The following SLC25A26 variants were observed in gnomAD, a reference collection of about 807,000 sequenced individuals.
The protein encoded by SLC25A26 is solute carrier family 25 member 26.
SLC25A26 carries 36 observed loss-of-function variants against 37.8 expected under a neutral mutation model. That is an observed-to-expected ratio of 0.95 (90% CI 0.73 to 1.26). The LOEUF (loss-of-function observed/expected upper bound fraction) is 1.26. Ranked by LOEUF, SLC25A26 falls within the 50% of genes most tolerant of loss-of-function variation. SLC25A26 has a pLI of 0.00. For missense variants in SLC25A26, 390 were observed against 331.1 expected (o/e 1.18, Z -1.38); for synonymous variants, 129 against 122.5 (o/e 1.05, Z -0.35).
intron 6 of SLC25A26, among the ~76,000 whole-genome samples, chr3:66,349,012 C>A (rs1380556475): frequency 6.6e-6 from 1 of 152,182 alleles, no homozygotes; most frequent in Non-Finnish European, 1.5e-5. Context: ...CACACAGTTT[C>A]TGCACACTCT....
At chr3:66,357,133 C>T (rs1197835960) in intron 6 of SLC25A26, among the ~76,000 whole-genome samples, 7 of 152,080 alleles carry the variant, frequency 4.6e-5, no homozygotes, top group Admixed American at 2.6e-4. Context: ...ACCATAGATT[C>T]ATGTGAAAAT....
chr3:66,221,296 C>T (rs555811329), intron 1 of SLC25A26, 169 bp downstream of exon 1: 17 of 278,740 alleles, frequency 6.1e-5, no homozygotes, highest in Admixed American at 4.5e-4. Context: ...ACCGGCGGGC[C>T]AGGTGTTAAG....
At chr3:66,294,623 T>C (rs2074833853) in intron 5 of SLC25A26, among the ~76,000 whole-genome samples, 1 of 152,198 alleles carries the variant, frequency 6.6e-6, no homozygotes, top group Admixed American at 6.5e-5. Flanking sequence ...TTTGGAAGGC[T>C]CTGTGTGATG....
In SLC25A26 at chr3:66,243,110, A is replaced by G. The variant is rs2072659109; in HGVS notation, c.191-93A>G. 4 of 655,664 alleles carry G rather than the reference A, an allele frequency of 6.1e-6. No homozygotes were observed. In the Admixed American group the frequency reaches 7.3e-5, roughly 12 times the overall value. 40.6% of individuals were successfully genotyped at this position (655,664 alleles called of 1,614,324 possible). A position where few individuals can be genotyped will look rare whatever the true frequency, so the allele number is the denominator to read the frequency against. On this transcript the variant is annotated intron_variant, in intron 2 of 9. Coordinates refer to ENST00000354883, the MANE Select transcript of SLC25A26 (RefSeq NM_001379210.1). Reference sequence around the variant, plus strand: ...ACCTTTTCTCTTATCTCATAATTTAATAATTATTGTCATACTTTTTGAGAA... The same window carrying G: ...ACCTTTTCTCTTATCTCATAATTTAGTAATTATTGTCATACTTTTTGAGAA...
intron 1 of SLC25A26, among the ~76,000 whole-genome samples, chr3:66,195,275 C>A (rs2071026306): frequency 6.6e-6 from 1 of 152,202 alleles, no homozygotes; most frequent in Admixed American, 6.5e-5. Context: ...CCCTTTGACC[C>A]TGTCCTGTGC....
intron 5 of SLC25A26, among the ~76,000 whole-genome samples, chr3:66,285,204 G>T (rs1418940310): frequency 6.6e-6 from 1 of 151,952 alleles, no homozygotes; most frequent in Non-Finnish European, 1.5e-5. Flanking sequence ...GGTAAAAACA[G>T]TGTAATGAGG....
intron 9 of SLC25A26, among the ~76,000 whole-genome samples, chr3:66,372,887 A>G (rs1361310092): frequency 6.6e-6 from 1 of 152,000 alleles, no homozygotes; most frequent in Non-Finnish European, 1.5e-5. Flanking sequence ...TTTACTAGGT[A>G]CTACTTGGGT....
intron 6 of SLC25A26, among the ~76,000 whole-genome samples, chr3:66,359,960 A>T (rs1336296901): frequency 6.6e-6 from 1 of 152,234 alleles, no homozygotes; most frequent in Non-Finnish European, 1.5e-5. Context: ...ACTTTCAGAG[A>T]ATCATTCACG....
At chr3:66,207,865 G>A (rs1459457530) in intron 1 of SLC25A26, among the ~76,000 whole-genome samples, 3 of 152,126 alleles carry the variant, frequency 2.0e-5, no homozygotes, top group African/African-American at 7.2e-5. Context: ...TGGTATAATA[G>A]ACAATGTACT....
At chr3:66,346,687 C>A (rs2076330290) in intron 6 of SLC25A26, among the ~76,000 whole-genome samples, 1 of 150,876 alleles carries the variant, frequency 6.6e-6, no homozygotes, top group South Asian at 2.1e-4. Flanking sequence ...CATTCTTTCT[C>A]CACCGTTAAA....
chr3:66,182,131 G>A (rs542295445), intron 1 of SLC25A26, among the ~76,000 whole-genome samples: 10 of 152,282 alleles, frequency 6.6e-5, no homozygotes, highest in South Asian at 4.1e-4. Flanking sequence ...AACAGGGTCC[G>A]TGGTGGAGCA....
intron 5 of SLC25A26, among the ~76,000 whole-genome samples, chr3:66,297,139 A>C (rs752640354): frequency 5.3e-5 from 8 of 152,172 alleles, no homozygotes; most frequent in South Asian, 2.1e-4. Context: ...AGCCAGGCCA[A>C]CATGATGAAA....
chr3:66,294,201 T>C (rs2074816384), intron 5 of SLC25A26, among the ~76,000 whole-genome samples: 6 of 152,188 alleles, frequency 3.9e-5, no homozygotes, highest in Admixed American at 3.9e-4. Flanking sequence ...CTGATACCTC[T>C]GAGCAGTGTT....
At chr3:66,248,031 C>T (rs1484302439) in intron 3 of SLC25A26, among the ~76,000 whole-genome samples, 2 of 152,130 alleles carry the variant, frequency 1.3e-5, no homozygotes, top group African/African-American at 2.4e-5. Flanking sequence ...AACACATTTG[C>T]TTTGATAGAT....
intron 9 of SLC25A26, chr3:66,371,443 A>G: frequency 1.4e-6 from 2 of 1,408,210 alleles, no homozygotes; most frequent in Non-Finnish European, 1.9e-6. Context: ...AGGTTTTTAT[A>G]GGAGAGCAGC....
At chr3:66,289,395 C>A (rs147056412) in intron 5 of SLC25A26, among the ~76,000 whole-genome samples, 6 of 152,126 alleles carry the variant, frequency 3.9e-5, no homozygotes, top group African/African-American at 7.2e-5. Context: ...GAAGTCTTTG[C>A]CCATGCCTGT....
intron 5 of SLC25A26, among the ~76,000 whole-genome samples, chr3:66,285,715 C>G (rs2074490935): frequency 6.6e-6 from 1 of 151,866 alleles, no homozygotes; most frequent in Non-Finnish European, 1.5e-5. Context: ...CTGCCTTGGC[C>G]TCCCAAAGTG....
At chr3:66,156,457 A>T (rs997407910) in intron 1 of SLC25A26, among the ~76,000 whole-genome samples, 1 of 57,184 alleles carries the variant, frequency 1.7e-5, no homozygotes, top group South Asian at 5.1e-4. Flanking sequence ...TGATAGGGCC[A>T]GGGGTGGGAA....
At position 66,243,163 on chromosome 3, in the gene SLC25A26, G is replaced by T. The variant is rs373280056; in HGVS notation, c.191-40G>T. The T allele has an allele frequency of 9.7e-5, 98 of 1,013,642 alleles. 1 individual carries two copies. Among genetic ancestry groups the T allele is most frequent in the Non-Finnish European group, 1.4e-4 (90 of 645,632 alleles). The allele number at this position is 1,013,642 out of a possible 1,614,324, so 62.8% of individuals were successfully genotyped here. A position where few individuals can be genotyped will look rare whatever the true frequency, so the allele number is the denominator to read the frequency against. Reference sequence around the variant, plus strand: ...ATGTTTCTTAACAGTGTGAATATATGTTTAAACTTTGTGAAAGACTGGCTT... The same window carrying T: ...ATGTTTCTTAACAGTGTGAATATATTTTTAAACTTTGTGAAAGACTGGCTT... On this transcript the variant is annotated intron_variant, in intron 2 of 9. Transcript: ENST00000354883.
Sources: allele counts gnomAD v4.1 joint callset (sites outside exome capture counted in the v4.1 genomes callset), GRCh38; gene constraint gnomAD v4.1.1; transcripts MANE v1.5; gene names NCBI Gene and HGNC (gene_info 2026-07-23, HGNC 2026-07-21).